RAB38: variants seen among roughly 807,000 people sequenced by gnomAD.
The protein encoded by RAB38 is RAB38, member RAS oncogene family.
Under a neutral mutation model 18.4 loss-of-function variants are expected in RAB38, and 15 were observed. That is an observed-to-expected ratio of 0.82 (90% CI 0.55 to 1.26). RAB38 has a LOEUF of 1.26. Among genes scored for constraint, RAB38 ranks in the 50% most tolerant of loss-of-function variants. RAB38 has a pLI of 0.00. For synonymous variants in RAB38, 101 were observed against 104.4 expected (o/e 0.97, Z 0.20); for missense variants, 294 against 267.4 (o/e 1.10, Z -0.69).
At chr11:87,941,235 A>ATATATATATATATAT in the RAB38 span, among the ~76,000 whole-genome samples, 2 of 125,456 alleles carry the variant, frequency 1.6e-5, no homozygotes, top group African/African-American at 5.9e-5. Context: ...ATATATATAT[A>ATATATATATATATAT]TATATATATA....
the RAB38 span, among the ~76,000 whole-genome samples, chr11:87,853,285 C>A: frequency 1.5e-3 from 234 of 152,216 alleles, no homozygotes; most frequent in African/African-American, 5.1e-3. Flanking sequence ...AGAGGTGGAG[C>A]CTTTGGGAGG....
the RAB38 span, among the ~76,000 whole-genome samples, chr11:87,804,287 T>A: frequency 6.6e-6 from 1 of 152,280 alleles, no homozygotes; most frequent in East Asian, 1.9e-4. Context: ...AGGCAGTGGG[T>A]GTATGCATTG....
chr11:88,100,502 C>T, the RAB38 span, among the ~76,000 whole-genome samples: 1 of 151,854 alleles, frequency 6.6e-6, no homozygotes, highest in East Asian at 1.9e-4. Context: ...TTTTATATTC[C>T]ACTAATCCAA....
the RAB38 span, among the ~76,000 whole-genome samples, chr11:87,926,644 G>A: frequency 3.3e-5 from 5 of 152,024 alleles, no homozygotes; most frequent in African/African-American, 9.7e-5. Flanking sequence ...AAATGAAGAG[G>A]AAGAGAGGCA....
chr11:87,918,696 G>C, the RAB38 span, among the ~76,000 whole-genome samples: 14 of 151,990 alleles, frequency 9.2e-5, no homozygotes, highest in African/African-American at 3.4e-4. Flanking sequence ...GTCTATTGCG[G>C]TATTTTTCCC....
At chr11:88,026,001 T>G in the RAB38 span, among the ~76,000 whole-genome samples, 7 of 152,168 alleles carry the variant, frequency 4.6e-5, no homozygotes, top group South Asian at 1.5e-3. Flanking sequence ...AGTCTCGCTG[T>G]GTCGCCAGGC....
chr11:88,053,414 T>C, the RAB38 span, among the ~76,000 whole-genome samples: 2,141 of 96,322 alleles, frequency 0.022, 294 homozygotes, highest in African/African-American at 0.072. Flanking sequence ...TATATATATA[T>C]ACACACACAT....
At chr11:88,063,835 C>T in the RAB38 span, among the ~76,000 whole-genome samples, 28 of 152,158 alleles carry the variant, frequency 1.8e-4, no homozygotes, top group Admixed American at 1.0e-3. Context: ...TCCCCAGCCA[C>T]GTGGAACTGT....
the RAB38 span, among the ~76,000 whole-genome samples, chr11:87,943,765 C>T: frequency 1.3e-5 from 2 of 152,014 alleles, no homozygotes; most frequent in Admixed American, 1.3e-4. Flanking sequence ...CAGACAGAGG[C>T]AACTGAATGT....
the RAB38 span, among the ~76,000 whole-genome samples, chr11:87,904,426 A>G: frequency 1.3e-5 from 2 of 151,598 alleles, no homozygotes; most frequent in African/African-American, 4.8e-5. Context: ...TGATTTTGTT[A>G]TTTTTTAATG....
intron 2 of RAB38, among the ~76,000 whole-genome samples, chr11:88,114,806 G>T (rs1050677207): frequency 6.6e-6 from 1 of 152,206 alleles, no homozygotes; most frequent in South Asian, 2.1e-4. Flanking sequence ...GTCTGTGAGT[G>T]AGAATCAAGT....
At chr11:88,079,741 T>C in the RAB38 span, among the ~76,000 whole-genome samples, 1 of 151,698 alleles carries the variant, frequency 6.6e-6, no homozygotes, top group South Asian at 2.1e-4. Flanking sequence ...TAGTTCAACA[T>C]GTGCAAATCA....
At chr11:87,920,361 A>T in the RAB38 span, among the ~76,000 whole-genome samples, 1 of 151,908 alleles carries the variant, frequency 6.6e-6, no homozygotes, top group Non-Finnish European at 1.5e-5. Context: ...GCTCAAGATT[A>T]AAAAAAATTC....
chr11:88,075,336 T>C, the RAB38 span, among the ~76,000 whole-genome samples: 4 of 152,176 alleles, frequency 2.6e-5, no homozygotes, highest in Non-Finnish European at 4.4e-5. Context: ...GTAGAAATCA[T>C]ATCAAGTATC....
At chr11:88,044,919 C>T in the RAB38 span, among the ~76,000 whole-genome samples, 3 of 152,134 alleles carry the variant, frequency 2.0e-5, no homozygotes, top group Non-Finnish European at 2.9e-5. Context: ...TCCTCACACC[C>T]GGTCTGGCTT....
the RAB38 span, among the ~76,000 whole-genome samples, chr11:88,068,641 G>A: frequency 7.2e-5 from 11 of 152,062 alleles, no homozygotes; most frequent in Non-Finnish European, 1.3e-4. Flanking sequence ...ACACAAATAA[G>A]CATTTTATAT....
intron 1 of RAB38, among the ~76,000 whole-genome samples, chr11:88,159,483 A>G (rs1171259945): frequency 6.6e-6 from 1 of 151,932 alleles, no homozygotes; most frequent in East Asian, 1.9e-4. Flanking sequence ...AGAAAAAACT[A>G]TCCTAAAATT....
At chr11:87,865,051 T>C in the RAB38 span, among the ~76,000 whole-genome samples, 2 of 151,688 alleles carry the variant, frequency 1.3e-5, no homozygotes, top group Non-Finnish European at 2.9e-5. Context: ...GCACGTAATA[T>C]GAGGAGAGAC....
At chr11:88,112,999 A>C (rs908727348), downstream of RAB38, among the ~76,000 whole-genome samples, 1 of 152,136 alleles carries the variant, frequency 6.6e-6, no homozygotes, top group African/African-American at 2.4e-5. Flanking sequence ...ATGAGGACAT[A>C]TTCCTCTGAT....
Sources: allele counts gnomAD v4.1 joint callset (sites outside exome capture counted in the v4.1 genomes callset), GRCh38; gene constraint gnomAD v4.1.1; transcripts MANE v1.5; gene names NCBI Gene and HGNC (gene_info 2026-07-23, HGNC 2026-07-21).